The following CIITA variants were observed in gnomAD, a reference collection of about 807,000 sequenced individuals.
CIITA encodes class II major histocompatibility complex transactivator, also known as MHC class II transactivator.
A neutral mutation model predicts 115.1 loss-of-function variants in CIITA; 72 were observed. The ratio of observed to expected loss-of-function variants is 0.63; its 90% CI spans 0.52 to 0.76. The LOEUF is 0.76. CIITA is among the 30% of genes least tolerant of loss of function. The pLI, the probability that CIITA is intolerant of heterozygous loss-of-function variation, is 0.00. For missense variants in CIITA, 1,617 were observed against 1,463.8 expected, an observed-to-expected ratio of 1.10 and a Z score of -1.71; for synonymous variants, 763 against 635.6, an observed-to-expected ratio of 1.20 and a Z score of -3.02.
intron 1 of CIITA, among the ~76,000 whole-genome samples, chr16:10,881,155 T>A (rs2036387713): frequency 6.6e-6 from 1 of 152,044 alleles, no homozygotes; most frequent in Non-Finnish European, 1.5e-5. Flanking sequence ...GGTGCACACC[T>A]GTAATCTCAA....
intron 1 of CIITA, among the ~76,000 whole-genome samples, chr16:10,893,330 G>A (rs1266957385): frequency 1.3e-5 from 2 of 152,128 alleles, no homozygotes; most frequent in Non-Finnish European, 2.9e-5. Flanking sequence ...CTGAACCACG[G>A]ATCCTGGCAG....
chr16:10,917,820 T>A (rs1210593543), intron 15 of CIITA, among the ~76,000 whole-genome samples: 1 of 152,188 alleles, frequency 6.6e-6, no homozygotes, highest in African/African-American at 2.4e-5. Flanking sequence ...ATCAAAATCT[T>A]CCCACACTCC....
rs924556039 is a variant in CIITA, at chr16:10,928,827, A to G, written c.*4972A>G. On this transcript the variant is annotated 3_prime_UTR_variant, in exon 20 of 20. Coordinates refer to ENST00000324288, the MANE Select transcript of CIITA (RefSeq NM_000246.4). ...GGATCTTCTGCTGTTTGTCAGCCAC[A>G]AGGTTCTGCCTAGAACTCCTTTCCC... The G allele has an allele frequency of 6.6e-6, 1 of 152,412 alleles. No individual in the cohort carries two copies. The highest frequency in any genetic ancestry group is 2.4e-5 in the African/African-American group (1 of 41,398). 9.4% of individuals were successfully genotyped at this position (152,412 alleles called of 1,614,324 possible).
Position 10,906,560 on chromosome 16 carries a change from G to A in CIITA, c.1068G>A (p.Pro356=), listed in dbSNP as rs140486686. Residue 356 remains proline, a synonymous_variant, in exon 11 of 20, where the codon CCG becomes CCA. Transcript: ENST00000324288. ...CGTATGGTGCCGAGCCCGCAGGCCC[G>A]GATGGCATCCTAGTGGAGGTGGATC... ...QDTYGAEPAG[P]DGILVEVDLV... The A allele has an allele frequency of 1.0e-3, 1,609 of 1,613,160 alleles. 4 individuals carry two copies. The highest frequency in any genetic ancestry group is 5.1e-3 in the Middle Eastern group (27 of 5,294).
intron 1 of CIITA, among the ~76,000 whole-genome samples, chr16:10,870,241 G>A (rs917306922): frequency 3.4e-5 from 5 of 146,206 alleles, no homozygotes; most frequent in Non-Finnish European, 6.0e-5. Flanking sequence ...AGGGGCTACC[G>A]TAAATCTACC....
chr16:10,881,882 T>G (rs369509974), intron 1 of CIITA, among the ~76,000 whole-genome samples: 36 of 152,346 alleles, frequency 2.4e-4, no homozygotes, highest in African/African-American at 8.7e-4. Flanking sequence ...TCTCTATGTT[T>G]TGGGCTACTC....
chr16:10,901,714 T>G lies in CIITA; in HGVS notation c.481+156T>G. 5.1e-6 allele frequency: 4 copies of G among 789,778 alleles called. No homozygotes were observed. The highest frequency in any genetic ancestry group is 6.3e-6 in the Non-Finnish European group (3 of 477,240). The allele number at this position is 789,778 out of a possible 1,614,324, so 48.9% of individuals were successfully genotyped here. ...GCTGAGAGCTTGGGGTCCCTTAGAG[T>G]CCTCTAAGGGGCTCACGACTGTTTG... On this transcript the variant is annotated intron_variant, in intron 6 of 19. Transcript: ENST00000324288. This position sits in a 1 kb window ranked among gnomAD's most constrained non-coding sequence, Gnocchi z 6.8.
In CIITA at chr16:10,928,778, G is replaced by C. The variant is rs2040644413; in HGVS notation, c.*4923G>C. 1 of 152,320 alleles carries C rather than the reference G, an allele frequency of 6.6e-6. No individual in the cohort carries two copies. Among genetic ancestry groups the C allele is most frequent in the Non-Finnish European group, 1.5e-5 (1 of 68,094 alleles). 9.4% of individuals were successfully genotyped at this position (152,320 alleles called of 1,614,324 possible). ...CTGGGACTTTCACGCCAGCCCGACT[G>C]GGGCAGACTCTCTCAACCCCACTGG... On this transcript the variant is annotated 3_prime_UTR_variant, in exon 20 of 20. Coordinates refer to ENST00000324288, the MANE Select transcript of CIITA (RefSeq NM_000246.4).
rs1172847669 is a variant in CIITA at position 10,901,415 on chromosome 16, G to T, written c.437-99G>T. 6 of 1,309,600 alleles carry T rather than the reference G, an allele frequency of 4.6e-6. No individual in the cohort carries two copies. The highest frequency in any genetic ancestry group is 1.5e-5 in the African/African-American group (1 of 68,644). 81.1% of individuals were successfully genotyped at this position (1,309,600 alleles called of 1,614,324 possible). A position where few individuals can be genotyped will look rare whatever the true frequency, so the allele number is the denominator to read the frequency against. ...AATGGACCCCCAAGACCACTACCCA[G>T]CCTTGAAGTTAAGGCCGTATAGCCT... On this transcript the variant is annotated intron_variant, in intron 5 of 19. Coordinates refer to ENST00000324288, the MANE Select transcript of CIITA (RefSeq NM_000246.4). The surrounding 1 kb of genome is among the most constrained non-coding windows in gnomAD (Gnocchi z 6.8).
At position 10,907,144 on chromosome 16, in the gene CIITA, G is replaced by C; in HGVS notation, c.1652G>C (p.Gly551Ala). ...CTLLLTARPRGRLVQSLSKAD... is the reference protein window; with the variant it reads ...CTLLLTARPRARLVQSLSKAD... ...CTCCTCCTCACAGCCCGGCCCCGGG[G>C]CCGCCTGGTCCAGAGCCTGAGCAAG... The change falls in exon 11 of 20, where the codon GGC becomes GCC. Residue 551 changes from glycine to alanine, a missense_variant. Transcript: ENST00000324288. This position sits in a 1 kb window ranked among gnomAD's most constrained non-coding sequence, Gnocchi z 5.0. 6.2e-7 allele frequency: 1 copy of C among 1,612,938 alleles called. No homozygotes were observed. The highest frequency in any genetic ancestry group is 8.5e-7 in the Non-Finnish European group (1 of 1,179,890).
intron 1 of CIITA, among the ~76,000 whole-genome samples, chr16:10,882,151 C>G (rs906655792): frequency 2.0e-5 from 3 of 152,164 alleles, no homozygotes; most frequent in Admixed American, 6.5e-5. Context: ...CTGTCTGACT[C>G]CCCGCTTTCA....
chr16:10,867,323 T>TGG (rs138873735), intron 1 of CIITA, among the ~76,000 whole-genome samples: 70,567 of 140,910 alleles, frequency 0.5, 21,425 homozygotes, highest in Non-Finnish European at 0.7. Context: ...CTGTGTGTGT[T>TGG]GGGGGGGGGC....
At chr16:10,892,918 C>T (rs1015817690) in intron 1 of CIITA, among the ~76,000 whole-genome samples, 3 of 152,092 alleles carry the variant, frequency 2.0e-5, no homozygotes, top group Non-Finnish European at 4.4e-5. Flanking sequence ...GGCAACAGAG[C>T]AAGCCTCTGT....
intron 1 of CIITA, among the ~76,000 whole-genome samples, chr16:10,887,359 G>A (rs894377487): frequency 6.6e-6 from 1 of 152,180 alleles, no homozygotes; most frequent in African/African-American, 2.4e-5. Flanking sequence ...GGCTCAGAGG[G>A]CTAAGGTAAT....
chr16:10,923,053 G>A lies in CIITA; in HGVS notation c.3318-175G>A, dbSNP rs771107515. The A allele has an allele frequency of 2.6e-5, 17 of 641,914 alleles. No homozygotes were observed. Among genetic ancestry groups the A allele is most frequent in the African/African-American group, 3.6e-5 (2 of 55,184 alleles). The allele number at this position is 641,914 out of a possible 1,614,324, so 39.8% of individuals were successfully genotyped here. On this transcript the variant is annotated intron_variant, in intron 18 of 19. Coordinates refer to ENST00000324288, the MANE Select transcript of CIITA (RefSeq NM_000246.4). The surrounding 1 kb of genome is among the most constrained non-coding windows in gnomAD (Gnocchi z 5.2). Reference sequence around the variant, plus strand: ...AGCTGCAGAACCATAAAGGAATCTCGGGCCTCCTAGGCTTCTCCTTTTCCC... The same window carrying A: ...AGCTGCAGAACCATAAAGGAATCTCAGGCCTCCTAGGCTTCTCCTTTTCCC...
upstream of CIITA, among the ~76,000 whole-genome samples, chr16:10,874,322 G>T (rs1337231229): frequency 1.3e-5 from 2 of 152,162 alleles, no homozygotes; most frequent in Non-Finnish European, 2.9e-5. Flanking sequence ...GGATGCAGGT[G>T]TTTCAACAGA....
intron 2 of CIITA, 116 bp from the exon 3 acceptor site, chr16:10,895,553 T>G: frequency 5.8e-6 from 9 of 1,561,774 alleles, no homozygotes; most frequent in Non-Finnish European, 7.9e-6. Context: ...CCCACGTCTG[T>G]GGGACGCTCT....
At chr16:10,896,062 T>G (rs1483738762) in intron 3 of CIITA, among the ~76,000 whole-genome samples, 1 of 152,034 alleles carries the variant, frequency 6.6e-6, no homozygotes, top group Non-Finnish European at 1.5e-5. Context: ...TGTCCATCCT[T>G]TCTACAAAGC....
rs2143572895 is a variant in CIITA at position 10,879,671 on chromosome 16, T to C, written c.52+2289T>C. Among the ~76,000 whole-genome samples, 1 of 152,304 alleles carries C rather than the reference T, an allele frequency of 6.6e-6. No individual in the cohort carries two copies. Among genetic ancestry groups the C allele is most frequent in the African/African-American group, 2.4e-5 (1 of 41,560 alleles). On this transcript the variant is annotated intron_variant, in intron 1 of 19. Transcript: ENST00000324288. This position sits in a 1 kb window ranked among gnomAD's most constrained non-coding sequence, Gnocchi z 4.3. ...GATCCCCCCGGACTGAACCGATCTC[T>C]TGATCTCTCACTTCTCTACCTCGCT...
Sources: allele counts gnomAD v4.1 joint callset (sites outside exome capture counted in the v4.1 genomes callset), GRCh38; gene constraint gnomAD v4.1.1; non-coding constraint Gnocchi (gnomAD v3.1); transcripts MANE v1.5; gene names NCBI Gene and HGNC (gene_info 2026-07-23, HGNC 2026-07-21).